The following GABRG3 variants were observed in gnomAD, a reference collection of about 807,000 sequenced individuals.
GABRG3 encodes gamma-aminobutyric acid receptor subunit gamma-3.
GABRG3 carries 25 observed loss-of-function variants against 48.8 expected under a neutral mutation model. That is an observed-to-expected ratio of 0.51 (90% CI 0.37 to 0.72). The LOEUF is 0.72. Among genes scored for constraint, GABRG3 ranks in the 30% least tolerant of loss-of-function variants. The pLI is 0.00. For missense variants in GABRG3, 394 were observed against 577.9 expected, an observed-to-expected ratio of 0.68 and a Z score of 3.26; for synonymous variants, 227 against 217.6, an observed-to-expected ratio of 1.04 and a Z score of -0.38.
intron 3 of GABRG3, among the ~76,000 whole-genome samples, chr15:27,272,857 G>A (rs1284111741): frequency 6.6e-6 from 1 of 152,146 alleles, no homozygotes; most frequent in Non-Finnish European, 1.5e-5. Flanking sequence ...ATAGAAAAGT[G>A]TTTTCACTAA....
intron 2 of GABRG3, among the ~76,000 whole-genome samples, chr15:27,015,307 TA>T: frequency 6.6e-6 from 1 of 152,180 alleles, no homozygotes; most frequent in African/African-American, 2.4e-5. Context: ...GCCATTTTGT[TA>T]ATTTTTTTTT....
chr15:27,490,463 C>T (rs559466127), intron 6 of GABRG3, among the ~76,000 whole-genome samples: 24 of 152,292 alleles, frequency 1.6e-4, no homozygotes, highest in Middle Eastern at 3.4e-3. Context: ...CTTGGCCAGA[C>T]GTCCATTTTC....
At chr15:27,454,823 C>T (rs1476802856) in intron 5 of GABRG3, among the ~76,000 whole-genome samples, 4 of 152,172 alleles carry the variant, frequency 2.6e-5, no homozygotes, top group East Asian at 3.9e-4. Flanking sequence ...CACATACGTA[C>T]GTTGACAAAG....
rs948950458 is a variant in GABRG3, at chr15:27,533,962, C to T, written c.*1081C>T. ...AAGCGATTTTCCTGCCTCAGTTTCC[C>T]AAGTGGCTGGGACTACAGGTGTGCG... On this transcript the variant is annotated 3_prime_UTR_variant, in exon 10 of 10. Coordinates refer to ENST00000615808, the MANE Select transcript of GABRG3 (RefSeq NM_033223.5). 1 of 152,086 alleles carries T rather than the reference C, an allele frequency of 6.6e-6. No individual in the cohort carries two copies. The highest frequency in any genetic ancestry group is 1.5e-5 in the Non-Finnish European group (1 of 68,034). The allele number at this position is 152,086 out of a possible 1,614,324, so 9.4% of individuals were successfully genotyped here.
chr15:27,248,422 G>C (rs1287699251), intron 3 of GABRG3, among the ~76,000 whole-genome samples: 2 of 152,146 alleles, frequency 1.3e-5, no homozygotes, highest in Non-Finnish European at 2.9e-5. Context: ...CACTAGTCCT[G>C]TGGCTACATG....
At chr15:27,223,199 A>C (rs1325538068) in intron 3 of GABRG3, among the ~76,000 whole-genome samples, 2 of 152,206 alleles carry the variant, frequency 1.3e-5, no homozygotes, top group Non-Finnish European at 2.9e-5. Flanking sequence ...CAACTGTAGT[A>C]TTTTGTTTAT....
intron 3 of GABRG3, among the ~76,000 whole-genome samples, chr15:27,122,947 C>T (rs945876914): frequency 6.6e-6 from 1 of 152,162 alleles, no homozygotes; most frequent in Non-Finnish European, 1.5e-5. Context: ...TTAGGGTGGT[C>T]CCCAAAGCCA....
chr15:27,361,374 G>A (rs927016570), intron 5 of GABRG3, among the ~76,000 whole-genome samples: 2 of 152,126 alleles, frequency 1.3e-5, no homozygotes, highest in African/African-American at 4.8e-5. Context: ...TGTGGCCTTG[G>A]GATTCTGAAT....
intron 3 of GABRG3, among the ~76,000 whole-genome samples, chr15:27,289,500 G>A (rs1358689233): frequency 6.6e-6 from 1 of 152,104 alleles, no homozygotes; most frequent in African/African-American, 2.4e-5. Context: ...CTCAGTGATG[G>A]GGGCAGGGGA....
In GABRG3 at chr15:27,423,542, T is replaced by G. The variant is rs79373290; in HGVS notation, c.575-57108T>G. Among the ~76,000 whole-genome samples the G allele has an allele frequency of 4.4e-5, 6 of 137,254 alleles. No individual in the cohort carries two copies. In the South Asian group the frequency reaches 9.3e-4, roughly 21 times the overall value. The allele number at this position is 137,254 out of a possible 152,430, so 90.0% of individuals were successfully genotyped here. A position where few individuals can be genotyped will look rare whatever the true frequency, so the allele number is the denominator to read the frequency against. On this transcript the variant is annotated intron_variant, in intron 5 of 9. Transcript: ENST00000615808. ...ACTTCTCCATTTTCTTGTTTTTTGG[T>G]TTTTTTTTTTTTTGAGACGAGGTTT...
At chr15:27,437,034 C>A (rs143663779) in intron 5 of GABRG3, among the ~76,000 whole-genome samples, 149 of 111,588 alleles carry the variant, frequency 1.3e-3, no homozygotes, top group Admixed American at 0.011. Context: ...AGAGAGAGAG[C>A]GCCCACATTC....
intron 3 of GABRG3, among the ~76,000 whole-genome samples, chr15:27,170,254 A>T (rs1887520563): frequency 1.3e-5 from 2 of 152,220 alleles, no homozygotes; most frequent in African/African-American, 4.8e-5. Context: ...GAAATGACAT[A>T]TGTGACAGCA....
intron 5 of GABRG3, chr15:27,350,317 A>C (rs901320277): frequency 2.6e-6 from 1 of 379,128 alleles, no homozygotes; most frequent in Non-Finnish European, 5.3e-6. Flanking sequence ...GAATTGGGAA[A>C]TCACATTTTC....
chr15:27,145,603 C>CTATCTA (rs1555405976), intron 3 of GABRG3, among the ~76,000 whole-genome samples: 4 of 102,298 alleles, frequency 3.9e-5, no homozygotes, highest in East Asian at 2.3e-4. Context: ...ATATATCTAT[C>CTATCTA]TCTATCTATC....
chr15:27,024,181 G>T (rs1423689450), intron 2 of GABRG3, among the ~76,000 whole-genome samples: 1 of 151,988 alleles, frequency 6.6e-6, no homozygotes, highest in Non-Finnish European at 1.5e-5. Context: ...GTTGAGTTCT[G>T]GGAGTTCTTT....
intron 3 of GABRG3, among the ~76,000 whole-genome samples, chr15:27,054,084 C>G (rs890664381): frequency 5.3e-5 from 8 of 152,110 alleles, no homozygotes; most frequent in African/African-American, 1.9e-4. Flanking sequence ...CTGGTGAAAC[C>G]CCATCTCTAC....
At chr15:27,369,475 G>T (rs1168267915) in intron 5 of GABRG3, among the ~76,000 whole-genome samples, 1 of 152,184 alleles carries the variant, frequency 6.6e-6, no homozygotes, top group Non-Finnish European at 1.5e-5. Context: ...AAAACTGGAA[G>T]ATATTCTAGG....
At chr15:27,284,918 GAAAGA>G in intron 3 of GABRG3, among the ~76,000 whole-genome samples, 1 of 152,298 alleles carries the variant, frequency 6.6e-6, no homozygotes, top group Non-Finnish European at 1.5e-5. Flanking sequence ...TGAGAAACAG[GAAAGA>G]AACTTGTTGA....
chr15:27,132,185 T>C (rs1277171451), intron 3 of GABRG3, among the ~76,000 whole-genome samples: 1 of 152,050 alleles, frequency 6.6e-6, no homozygotes, highest in Non-Finnish European at 1.5e-5. Flanking sequence ...GCTTCTGAAA[T>C]TTTATCCAAA....
Sources: allele counts gnomAD v4.1 joint callset (sites outside exome capture counted in the v4.1 genomes callset), GRCh38; gene constraint gnomAD v4.1.1; transcripts MANE v1.5; gene names NCBI Gene and HGNC (gene_info 2026-07-23, HGNC 2026-07-21).